The following PCCA variants were observed in gnomAD, a reference collection of about 807,000 sequenced individuals.
PCCA encodes propionyl-CoA carboxylase subunit alpha, also known as propionyl-CoA carboxylase alpha chain, mitochondrial.
Under a neutral mutation model 101.3 loss-of-function variants are expected in PCCA, and 74 were observed. That is an observed-to-expected ratio of 0.73 (90% CI 0.61 to 0.89). The LOEUF is 0.89. Ranked by LOEUF, PCCA falls within the 40% of genes least tolerant of loss-of-function variation. The probability of loss-of-function intolerance (pLI) is 0.00; values close to 1 mark genes in which losing one functional copy is unlikely to be tolerated. For synonymous variants in PCCA, 294 were observed against 313.6 expected (o/e 0.94, Z 0.66); for missense variants, 891 against 907.0 (o/e 0.98, Z 0.23).
intron 19 of PCCA, among the ~76,000 whole-genome samples, chr13:100,392,177 T>C (rs539650693): frequency 1.0e-3 from 158 of 152,162 alleles, no homozygotes; most frequent in Non-Finnish European, 1.6e-3. Flanking sequence ...GAAATATTCA[T>C]TGGGGGCAGG....
At chr13:100,199,526 C>G (rs1190969737) in intron 6 of PCCA, among the ~76,000 whole-genome samples, 1 of 152,104 alleles carries the variant, frequency 6.6e-6, no homozygotes, top group Non-Finnish European at 1.5e-5. Context: ...AGTGGTTTCC[C>G]CCATTCTTGG....
chr13:100,497,500 T>C (rs1258446065), intron 21 of PCCA, among the ~76,000 whole-genome samples: 2 of 151,794 alleles, frequency 1.3e-5, no homozygotes, highest in Non-Finnish European at 2.9e-5. Flanking sequence ...CAGTAAGTAC[T>C]GACTTACCAA....
chr13:100,518,005 C>T (rs768814925), intron 22 of PCCA, among the ~76,000 whole-genome samples: 26 of 151,488 alleles, frequency 1.7e-4, no homozygotes, highest in South Asian at 4.1e-4. Context: ...TTTAACACCG[C>T]GGGGCGTGTT....
intron 6 of PCCA, among the ~76,000 whole-genome samples, chr13:100,171,691 C>T (rs2055665941): frequency 1.3e-5 from 2 of 152,132 alleles, no homozygotes; most frequent in Non-Finnish European, 2.9e-5. Context: ...GAGTTCAAGA[C>T]CAGCCTGGGC....
chr13:100,164,140 G>A (rs2054790653), intron 6 of PCCA, among the ~76,000 whole-genome samples: 1 of 152,066 alleles, frequency 6.6e-6, no homozygotes, highest in Non-Finnish European at 1.5e-5. Flanking sequence ...TCTTTAAATT[G>A]ATCTGTCAAA....
chr13:100,209,524 A>G (rs2152479015), intron 7 of PCCA, 61 bp downstream of exon 7: 6 of 1,416,890 alleles, frequency 4.2e-6, no homozygotes, highest in Middle Eastern at 1.8e-4. Flanking sequence ...TGTCAAAAGT[A>G]TAAGATAAAA....
rs34411352 is a variant in PCCA at position 100,331,934 on chromosome 13, A to ATTT, written c.1540+1284_1540+1286dup. On this transcript the variant is annotated intron_variant, in intron 17 of 23. Coordinates refer to ENST00000376285, the MANE Select transcript of PCCA (RefSeq NM_000282.4). ...TATTGATGAGAAAGGATTACTTTGGATTTTTTTTTTTTTTTTTTTTTTTGA... is the reference window on the plus strand; with the variant it reads ...TATTGATGAGAAAGGATTACTTTGGATTTTTTTTTTTTTTTTTTTTTTTTTTGA... Among the ~76,000 whole-genome samples the ATTT allele has an allele frequency of 2.4e-3, 219 of 89,730 alleles. 1 individual carries two copies. The highest frequency in any genetic ancestry group is 3.6e-3 in the Non-Finnish European group (180 of 49,624). The allele number at this position is 89,730 out of a possible 152,430, so 58.9% of individuals were successfully genotyped here.
At chr13:100,154,371 C>T (rs2053660173) in intron 4 of PCCA, 1 of 154,056 alleles carries the variant, frequency 6.5e-6, no homozygotes, top group Non-Finnish European at 1.4e-5. Flanking sequence ...GAACTTAATA[C>T]ACATATCATT....
intron 16 of PCCA, among the ~76,000 whole-genome samples, chr13:100,325,002 CGAGAAAAAGTT>C (rs1248052422): frequency 6.6e-6 from 1 of 151,972 alleles, no homozygotes; most frequent in Non-Finnish European, 1.5e-5. Flanking sequence ...CATGACATTA[CGAGAAAAAGTT>C]GAATTACTTG....
chr13:100,145,059 C>A (rs1566570904), intron 4 of PCCA, among the ~76,000 whole-genome samples: 1 of 152,098 alleles, frequency 6.6e-6, no homozygotes, highest in African/African-American at 2.4e-5. Context: ...TCTTGGAATT[C>A]TTTAGTAGTT....
rs368568449 is a variant in PCCA, at chr13:100,297,996, C to T, written c.1066-3464C>T. Among the ~76,000 whole-genome samples the T allele has an allele frequency of 1.1e-3, 155 of 136,932 alleles. No homozygotes were observed. In the Middle Eastern group the frequency reaches 0.016, roughly 14 times the overall value. 89.8% of individuals were successfully genotyped at this position (136,932 alleles called of 152,430 possible). A position where few individuals can be genotyped will look rare whatever the true frequency, so the allele number is the denominator to read the frequency against. On this transcript the variant is annotated intron_variant, in intron 12 of 23. Coordinates refer to ENST00000376285, the MANE Select transcript of PCCA (RefSeq NM_000282.4). The stretch of plus-strand genomic sequence containing the variant: ...GAATTTTTTTTTTTTTTTTTGGGTT[C>T]GGGCTTACTCTTGCTCACTAAATCC...
chr13:100,177,484 CTAT>C (rs1308080867), intron 6 of PCCA, among the ~76,000 whole-genome samples: 4 of 151,912 alleles, frequency 2.6e-5, no homozygotes, highest in Admixed American at 2.0e-4. Flanking sequence ...TTTCTGTTGT[CTAT>C]TATTTAGTAA....
At chr13:100,116,189 A>G (rs2048779624) in intron 4 of PCCA, among the ~76,000 whole-genome samples, 2 of 152,198 alleles carry the variant, frequency 1.3e-5, no homozygotes, top group African/African-American at 4.8e-5. Flanking sequence ...AGATGTATTA[A>G]TTTTTGCATG....
intron 4 of PCCA, among the ~76,000 whole-genome samples, chr13:100,116,980 A>G (rs1353622778): frequency 2.6e-5 from 4 of 152,204 alleles, no homozygotes; most frequent in Non-Finnish European, 5.9e-5. Context: ...GCTGATGCCT[A>G]GAATAAATAC....
chr13:100,335,786 C>T (rs2070353709), intron 17 of PCCA, among the ~76,000 whole-genome samples: 1 of 152,296 alleles, frequency 6.6e-6, no homozygotes, highest in Non-Finnish European at 1.5e-5. Flanking sequence ...CTGGTACTCA[C>T]AGACATGAAA....
intron 1 of PCCA, 94 bp from the exon 2 acceptor site, chr13:100,102,789 C>T (rs1320777475): frequency 7.5e-6 from 6 of 800,356 alleles, no homozygotes; most frequent in East Asian, 4.9e-5. Flanking sequence ...TGATCAGACA[C>T]GTTCGCTAGA....
intron 7 of PCCA, among the ~76,000 whole-genome samples, chr13:100,221,339 T>G (rs1169129249): frequency 3.3e-5 from 5 of 152,204 alleles, no homozygotes; most frequent in African/African-American, 7.2e-5. Flanking sequence ...GGTCGCTCAG[T>G]GGGCCTCAGA....
intron 21 of PCCA, among the ~76,000 whole-genome samples, chr13:100,496,641 T>A (rs1260762486): frequency 6.6e-6 from 1 of 152,224 alleles, no homozygotes; most frequent in Non-Finnish European, 1.5e-5. Context: ...GTTACTACTT[T>A]CCTTTTTCCA....
chr13:100,496,409 G>C (rs2085280169), intron 21 of PCCA, among the ~76,000 whole-genome samples: 1 of 152,228 alleles, frequency 6.6e-6, no homozygotes, highest in Middle Eastern at 3.4e-3. Context: ...TTGAAGACAG[G>C]CCATTTATTT....
Sources: gnomAD v4.1 joint callset for allele counts (sites outside exome capture counted in the v4.1 genomes callset) on GRCh38, gnomAD v4.1.1 for gene constraint, MANE v1.5 for transcripts, NCBI Gene and HGNC (gene_info 2026-07-23, HGNC 2026-07-21) for gene names.